Variants in HTR7 observed in about 807,000 individuals in gnomAD.
HTR7 encodes the protein 5-HT-7.
In HTR7, 16 loss-of-function variants were observed where a neutral mutation model predicts 34.0. The ratio of observed to expected loss-of-function variants is 0.47; its 90% CI spans 0.32 to 0.71. HTR7 has a LOEUF of 0.71. Ranked by LOEUF, HTR7 falls within the 30% of genes least tolerant of loss-of-function variation. HTR7 has a pLI of 0.04. For synonymous variants in HTR7, 265 were observed against 260.2 expected (o/e 1.02, Z -0.18); for missense variants, 504 against 625.5 (o/e 0.81, Z 2.07).
chr10:90,846,212 A>T (rs1004962905), intron 1 of HTR7, among the ~76,000 whole-genome samples: 2 of 152,214 alleles, frequency 1.3e-5, no homozygotes, highest in African/African-American at 4.8e-5. Context: ...AAAAATCAAA[A>T]TATTTATCAG....
At chr10:90,759,661 C>CAAAAAA (rs60718814) in intron 1 of HTR7, among the ~76,000 whole-genome samples, 2 of 69,386 alleles carry the variant, frequency 2.9e-5, no homozygotes, top group East Asian at 4.1e-4. Context: ...GACTCTGTCT[C>CAAAAAA]AAAAAAAAAA....
At chr10:90,831,983 T>A (rs1047814804) in intron 1 of HTR7, among the ~76,000 whole-genome samples, 2 of 152,054 alleles carry the variant, frequency 1.3e-5, no homozygotes, top group African/African-American at 4.8e-5. Context: ...GAGCTAGACA[T>A]AGGGTGCTGA....
At chr10:90,852,564 A>G (rs2120130216) in intron 1 of HTR7, among the ~76,000 whole-genome samples, 1 of 152,364 alleles carries the variant, frequency 6.6e-6, no homozygotes, top group East Asian at 1.9e-4. Flanking sequence ...GAGCAGCACT[A>G]TTAGAGATAG....
At chr10:90,744,194 A>C (rs2119659998) in intron 2 of HTR7, among the ~76,000 whole-genome samples, 1 of 151,030 alleles carries the variant, frequency 6.6e-6, no homozygotes, top group Admixed American at 6.6e-5. Flanking sequence ...AGAGCTAGAG[A>C]GAGGCAGGGG....
chr10:90,854,582 T>C (rs754660968), intron 1 of HTR7, among the ~76,000 whole-genome samples: 35 of 152,200 alleles, frequency 2.3e-4, no homozygotes, highest in Admixed American at 6.5e-4. Flanking sequence ...GGGGGAAAGA[T>C]AAAAGTTCTC....
intron 1 of HTR7, among the ~76,000 whole-genome samples, chr10:90,844,783 G>A (rs1473135831): frequency 2.1e-5 from 3 of 143,896 alleles, no homozygotes; most frequent in Admixed American, 6.9e-5. Context: ...TGGCTCAGGG[G>A]TTCTCACTCT....
At chr10:90,807,955 T>C (rs1026768354) in intron 1 of HTR7, among the ~76,000 whole-genome samples, 5 of 152,136 alleles carry the variant, frequency 3.3e-5, no homozygotes, top group Admixed American at 2.0e-4. Flanking sequence ...TCCTTTCCAC[T>C]CTTCAATCTC....
At chr10:90,836,810 G>A (rs1204614993) in intron 1 of HTR7, among the ~76,000 whole-genome samples, 1 of 152,054 alleles carries the variant, frequency 6.6e-6, no homozygotes, top group Non-Finnish European at 1.5e-5. Context: ...ATGTTCAGCT[G>A]TGAATGTAAT....
In HTR7 at chr10:90,749,134, C is replaced by G; in HGVS notation, c.1000G>C (p.Gly334Arg). ...GGCAGCCAGCACACGGTAAAGGCCC[C>G]GACGATGATCCCCAGGGTGGTGGCT... is the stretch of plus-strand genomic sequence containing the variant. The part of the protein sequence containing the change: ...KAATTLGIIV[G>R]AFTVCWLPFF... The change falls in exon 2 of 4, where the codon GGG becomes CGG. Residue 334 changes from glycine to arginine, a missense_variant. Gly to Arg is a moderately radical substitution (Grantham distance 125, BLOSUM62 -2). This residue lies in a region of HTR7 where 154 missense variants were observed against 212.1 expected (regional missense o/e 0.73). Coordinates refer to ENST00000336152, the MANE Select transcript of HTR7 (RefSeq NM_019859.4). This position sits in a 1 kb window ranked among gnomAD's most constrained non-coding sequence, Gnocchi z 4.2. 6.2e-7 allele frequency: 1 copy of G among 1,614,124 alleles called. No homozygotes were observed. The highest frequency in any genetic ancestry group is 8.5e-7 in the Non-Finnish European group (1 of 1,180,012).
At chr10:90,759,653 C>T (rs1216093682) in intron 1 of HTR7, among the ~76,000 whole-genome samples, 5 of 97,038 alleles carry the variant, frequency 5.2e-5, no homozygotes, top group Non-Finnish European at 9.0e-5. Flanking sequence ...CAGAGCGAGA[C>T]TCTGTCTCAA....
chr10:90,851,109 G>C (rs974712827), intron 1 of HTR7, among the ~76,000 whole-genome samples: 1 of 151,962 alleles, frequency 6.6e-6, no homozygotes, highest in African/African-American at 2.4e-5. Flanking sequence ...CAGAAAAACT[G>C]ATAAAAATTA....
At chr10:90,784,483 A>C (rs74604386) in intron 1 of HTR7, among the ~76,000 whole-genome samples, 2,607 of 152,250 alleles carry the variant, frequency 0.017, 87 homozygotes, top group African/African-American at 0.058. Context: ...CCTTTTAAAA[A>C]CCTTGGTACA....
chr10:90,848,972 T>C (rs1280797633), intron 1 of HTR7, among the ~76,000 whole-genome samples: 1 of 152,232 alleles, frequency 6.6e-6, no homozygotes, highest in Non-Finnish European at 1.5e-5. Flanking sequence ...TGTGTTTTAA[T>C]AAGCTCTCCA....
chr10:90,815,224 T>C (rs1426741396), intron 1 of HTR7, among the ~76,000 whole-genome samples: 1 of 152,090 alleles, frequency 6.6e-6, no homozygotes, highest in East Asian at 1.9e-4. Flanking sequence ...CATGAGTAGC[T>C]GGGAGTACAG....
intron 1 of HTR7, among the ~76,000 whole-genome samples, chr10:90,790,049 G>T (rs548393962): frequency 6.6e-6 from 1 of 152,038 alleles, no homozygotes; most frequent in South Asian, 2.1e-4. Context: ...ATACATCATC[G>T]CAGTTCAAAT....
chr10:90,787,859 G>A (rs1015634883), intron 1 of HTR7, among the ~76,000 whole-genome samples: 7 of 151,816 alleles, frequency 4.6e-5, no homozygotes, highest in Non-Finnish European at 1.0e-4. Flanking sequence ...CACTTTATTA[G>A]ACTGCCTCTC....
At chr10:90,773,432 A>C (rs1169821195) in intron 1 of HTR7, among the ~76,000 whole-genome samples, 1 of 151,284 alleles carries the variant, frequency 6.6e-6, no homozygotes, top group African/African-American at 2.4e-5. Flanking sequence ...TGAAGTGTCC[A>C]TCCTCTCAAG....
At chr10:90,776,496 C>A (rs1202316836) in intron 1 of HTR7, among the ~76,000 whole-genome samples, 2 of 152,178 alleles carry the variant, frequency 1.3e-5, no homozygotes, top group Non-Finnish European at 2.9e-5. Flanking sequence ...AAACCTTAGA[C>A]AAGATGCGAA....
At chr10:90,805,368 C>T (rs1845688868) in intron 1 of HTR7, among the ~76,000 whole-genome samples, 1 of 152,208 alleles carries the variant, frequency 6.6e-6, no homozygotes, top group South Asian at 2.1e-4. Context: ...TTAAATCAGT[C>T]TTTGAATCTC....
Sources: gnomAD v4.1 joint callset for allele counts (sites outside exome capture counted in the v4.1 genomes callset) on GRCh38, gnomAD v4.1.1 for gene constraint, gnomAD v4.1.1 regional missense constraint, Gnocchi (gnomAD v3.1) non-coding constraint, MANE v1.5 for transcripts, NCBI Gene and HGNC (gene_info 2026-07-23, HGNC 2026-07-21) for gene names.